NID1: variants seen among roughly 807,000 people sequenced by gnomAD.
NID1 encodes nidogen-1.
NID1 carries 76 observed loss-of-function variants against 130.6 expected under a neutral mutation model. The observed-to-expected ratio is 0.58, with a 90% confidence interval of 0.48 to 0.70. The LOEUF (loss-of-function observed/expected upper bound fraction) is 0.70. Among genes scored for constraint, NID1 ranks in the 30% least tolerant of loss-of-function variants. The probability of loss-of-function intolerance (pLI) is 0.00; values close to 1 mark genes in which losing one functional copy is unlikely to be tolerated. For synonymous variants in NID1, 665 were observed against 675.1 expected, an observed-to-expected ratio of 0.98 and a Z score of 0.23; for missense variants, 1,517 against 1,664.8, an observed-to-expected ratio of 0.91 and a Z score of 1.54.
At chr1:235,989,272 T>C (rs1235374781) in intron 14 of NID1, among the ~76,000 whole-genome samples, 1 of 152,056 alleles carries the variant, frequency 6.6e-6, no homozygotes, top group Non-Finnish European at 1.5e-5. Flanking sequence ...GCCCAGGCTG[T>C]AAATTATCTG....
intron 9 of NID1, 115 bp downstream of exon 9, chr1:236,023,955 A>G: frequency 7.4e-7 from 1 of 1,348,602 alleles, no homozygotes; most frequent in Non-Finnish European, 1.0e-6. Context: ...CATGTCCACC[A>G]GTATTTATCT....
intron 10 of NID1, among the ~76,000 whole-genome samples, chr1:236,015,524 G>C (rs1572597130): frequency 1.3e-5 from 2 of 151,742 alleles, no homozygotes; most frequent in East Asian, 3.9e-4. Context: ...GTGCATGCCT[G>C]TAATTCCAGC....
intron 7 of NID1, among the ~76,000 whole-genome samples, chr1:236,026,499 C>A (rs1162261054): frequency 6.6e-6 from 1 of 152,126 alleles, no homozygotes; most frequent in East Asian, 1.9e-4. Flanking sequence ...CACTCAGTAC[C>A]ACTCACAAGC....
intron 15 of NID1, among the ~76,000 whole-genome samples, chr1:235,984,867 A>G: frequency 6.6e-6 from 1 of 152,152 alleles, no homozygotes; most frequent in East Asian, 1.9e-4. Flanking sequence ...AATTTCCTCA[A>G]TTGAGGAATT....
chr1:235,990,777 C>A (rs1046336868), intron 14 of NID1, 109 bp downstream of exon 14: 1 of 1,221,906 alleles, frequency 8.2e-7, no homozygotes. Context: ...GGAATGAGCA[C>A]CCATGGTTCC....
chr1:236,026,626 ATAGTAT>A (rs775069341), intron 7 of NID1, among the ~76,000 whole-genome samples: 16 of 152,208 alleles, frequency 1.1e-4, no homozygotes, highest in Non-Finnish European at 2.1e-4. Context: ...AAGCAGACTA[ATAGTAT>A]TAGTAAGATA....
At chr1:236,017,615 ACCTCGTG>A (rs1658639375) in intron 9 of NID1, among the ~76,000 whole-genome samples, 2 of 152,234 alleles carry the variant, frequency 1.3e-5, no homozygotes, top group South Asian at 4.1e-4. Flanking sequence ...CAAACTCCTG[ACCTCGTG>A]ATCCACCCGC....
intron 7 of NID1, among the ~76,000 whole-genome samples, chr1:236,026,579 G>A (rs1382144319): frequency 6.6e-6 from 1 of 152,076 alleles, no homozygotes; most frequent in African/African-American, 2.4e-5. Context: ...TCAAGGTGGG[G>A]ATCAGACCAG....
intron 1 of NID1, among the ~76,000 whole-genome samples, chr1:236,051,821 G>A (rs1030105554): frequency 5.3e-5 from 8 of 152,214 alleles, no homozygotes; most frequent in Non-Finnish European, 1.2e-4. Context: ...GCTTTCCAGT[G>A]AAATTTAAAT....
Position 235,979,035 on chromosome 1 carries a change from C to G in NID1, c.3582G>C (p.Arg1194=). The change falls in exon 19 of 20, where the codon CGG becomes CGC. Residue 1194 remains arginine (R), a synonymous_variant. Transcript: ENST00000264187. The surrounding 1 kb of genome is among the most constrained non-coding windows in gnomAD (Gnocchi z 4.6). ...ACAGGGCCGTGGTGATGCCATACAG[C>G]CGGGTCTGCTTGTGGGGTTGGAAAG... ...TDAFQPHKQT[R]LYGITTALSQ... 1 of 1,614,032 alleles carries G rather than the reference C, an allele frequency of 6.2e-7. No homozygotes were observed.
At chr1:236,012,721 A>G (rs540436052) in intron 11 of NID1, among the ~76,000 whole-genome samples, 90 of 152,376 alleles carry the variant, frequency 5.9e-4, no homozygotes, top group Middle Eastern at 3.4e-3. Context: ...ACTGCTAGGC[A>G]GAAAACCCTC....
At chr1:236,060,267 G>A (rs897857010) in intron 1 of NID1, among the ~76,000 whole-genome samples, 2 of 152,074 alleles carry the variant, frequency 1.3e-5, no homozygotes, top group Non-Finnish European at 1.5e-5. Flanking sequence ...CATTTCCATG[G>A]CATTTGTAAA....
chr1:236,021,402 C>T (rs1195172173), intron 9 of NID1, among the ~76,000 whole-genome samples: 1 of 152,198 alleles, frequency 6.6e-6, no homozygotes, highest in African/African-American at 2.4e-5. Context: ...ATACAGCCTG[C>T]ACTATGCGCA....
chr1:236,002,519 C>T (rs1273309843), intron 12 of NID1, among the ~76,000 whole-genome samples: 1 of 150,294 alleles, frequency 6.7e-6, no homozygotes, highest in Non-Finnish European at 1.5e-5. Context: ...AACAAACAAA[C>T]AAACAAACAA....
At chr1:236,023,345 A>G (rs1658819270) in intron 9 of NID1, among the ~76,000 whole-genome samples, 1 of 152,248 alleles carries the variant, frequency 6.6e-6, no homozygotes, top group African/African-American at 2.4e-5. Context: ...ACACTGTGCT[A>G]TGTGAAATAA....
chr1:236,005,555 C>G (rs140965397), intron 12 of NID1, among the ~76,000 whole-genome samples: 1 of 152,244 alleles, frequency 6.6e-6, no homozygotes, highest in African/African-American at 2.4e-5. Context: ...TAAAACAATA[C>G]TGGGCAAAAA....
intron 12 of NID1, among the ~76,000 whole-genome samples, chr1:236,010,300 C>CTTTTTTTTT (rs551127579): frequency 2.8e-5 from 3 of 107,192 alleles, no homozygotes; most frequent in Admixed American, 1.0e-4. Flanking sequence ...GCTATTTATA[C>CTTTTTTTTT]TTTTTTTTTT....
chr1:236,025,103 C>A (rs891231861), intron 8 of NID1, among the ~76,000 whole-genome samples: 1 of 151,418 alleles, frequency 6.6e-6, no homozygotes, highest in African/African-American at 2.4e-5. Flanking sequence ...AGCCACACAC[C>A]ACCACACCCA....
intron 12 of NID1, among the ~76,000 whole-genome samples, chr1:236,001,146 C>A (rs1658064116): frequency 6.6e-6 from 1 of 150,772 alleles, no homozygotes; most frequent in African/African-American, 2.5e-5. Flanking sequence ...ATCACTGTCG[C>A]CCGGCCTGGA....
Sources: gnomAD v4.1 joint callset for allele counts (sites outside exome capture counted in the v4.1 genomes callset) on GRCh38, gnomAD v4.1.1 for gene constraint, Gnocchi (gnomAD v3.1) non-coding constraint, MANE v1.5 for transcripts, NCBI Gene and HGNC (gene_info 2026-07-23, HGNC 2026-07-21) for gene names.